Variants in GEMIN4 observed in about 807,000 individuals in gnomAD.
GEMIN4 encodes gem nuclear organelle associated protein 4.
Under a neutral mutation model 76.8 loss-of-function variants are expected in GEMIN4, and 59 were observed. That is an observed-to-expected ratio of 0.77 (90% CI 0.62 to 0.95). The LOEUF is 0.95. GEMIN4 is among the 40% of genes least tolerant of loss of function. GEMIN4 has a pLI of 0.00. For missense variants in GEMIN4, 1,311 were observed against 1,318.9 expected (o/e 0.99, Z 0.09); for synonymous variants, 562 against 559.7 (o/e 1.00, Z -0.06).
At position 744,980 on chromosome 17, in the gene GEMIN4, A is replaced by C. The variant is rs1411095076; in HGVS notation, c.3063T>G (p.Ser1021=). ...GTGCCCTCTGGAGCAAGGAGCTGAC[A>C]GAAGGGTTGGTCTTGCTCAAAGTCT... The part of the protein sequence containing the change: ...CYETLSKTNP[S]VSSLLQRAHE... The change falls in exon 2 of 2, where the codon TCT becomes TCG. Residue 1021 remains serine (S), a synonymous_variant. Coordinates refer to ENST00000319004, the MANE Select transcript of GEMIN4 (RefSeq NM_015721.3). The C allele has an allele frequency of 6.2e-7, 1 of 1,613,942 alleles. No homozygotes were observed. Among genetic ancestry groups the C allele is most frequent in the Non-Finnish European group, 8.5e-7 (1 of 1,179,878 alleles).
chr17:750,772 C>T (rs902410693), intron 1 of GEMIN4, among the ~76,000 whole-genome samples: 2 of 152,144 alleles, frequency 1.3e-5, no homozygotes, highest in African/African-American at 4.8e-5. Flanking sequence ...TTTATGGGAG[C>T]GGCAGCAGGC....
Position 745,813 on chromosome 17 carries a change from C to T in GEMIN4, c.2230G>A (p.Ala744Thr). The part of the protein sequence containing the change: ...ELLCEIVSAN[A>T]ETFSPDVWIK... ...CAGACATCCGGGGAGAAGGTCTCAG[C>T]ATTGGCTGATACAATCTCACACAGG... The change falls in exon 2 of 2, where the codon GCT (alanine) becomes ACT (threonine). Residue 744 changes from alanine to threonine, a missense_variant. This residue lies in a region of GEMIN4 where 1,208 missense variants were observed against 1,166.9 expected (regional missense o/e 1.04). Transcript: ENST00000319004. The surrounding 1 kb of genome is among the most constrained non-coding windows in gnomAD (Gnocchi z 4.6). 1 of 1,613,064 alleles carries T rather than the reference C, an allele frequency of 6.2e-7. No homozygotes were observed. The highest frequency in any genetic ancestry group is 8.5e-7 in the Non-Finnish European group (1 of 1,179,734).
Position 746,365 on chromosome 17 carries a change from T to C in GEMIN4, c.1678A>G (p.Thr560Ala). 1 of 1,613,824 alleles carries C rather than the reference T, an allele frequency of 6.2e-7. No individual in the cohort carries two copies. The highest frequency in any genetic ancestry group is 8.5e-7 in the Non-Finnish European group (1 of 1,179,884). Residue 560 changes from threonine to alanine, a missense_variant, in exon 2 of 2, where the codon ACG becomes GCG. Transcript: ENST00000319004. The surrounding 1 kb of genome is among the most constrained non-coding windows in gnomAD (Gnocchi z 4.3). ...GCCAGGCTGCACATTTTCTTCACCG[T>C]GACTTCCGGGTGCACTATGACCAGG... ...ARLVIVHPEV[T>A]VKKMCSLAVV...
At position 745,344 on chromosome 17, in the gene GEMIN4, A is replaced by C. The variant is rs1974352455; in HGVS notation, c.2699T>G (p.Leu900Arg). Residue 900 changes from leucine to arginine, a missense_variant, in exon 2 of 2, where the codon CTC becomes CGC. Transcript: ENST00000319004. This position sits in a 1 kb window ranked among gnomAD's most constrained non-coding sequence, Gnocchi z 4.6. ...SLEYIQFVPL[L>R]NLKPFAQELQ... ...CTCCTGGGCAAAGGGCTTCAGGTTG[A>C]GCAGGGGAACAAACTGAATATATTC... The C allele has an allele frequency of 6.2e-7, 1 of 1,612,870 alleles. No individual in the cohort carries two copies. Among genetic ancestry groups the C allele is most frequent in the Admixed American group, 1.7e-5 (1 of 60,004 alleles).
rs376921703 is a variant in GEMIN4 at position 745,260 on chromosome 17, C to T, written c.2783G>A (p.Arg928His). Residue 928 changes from arginine to histidine, a missense_variant, in exon 2 of 2, where the codon CGT (arginine) becomes CAT (histidine). Coordinates refer to ENST00000319004, the MANE Select transcript of GEMIN4 (RefSeq NM_015721.3). This position sits in a 1 kb window ranked among gnomAD's most constrained non-coding sequence, Gnocchi z 4.6. ...TFQFLCSHSC[R>H]DWLPLEGWNH... ...CCAGCCTTCCAGAGGAAGCCAATCA[C>T]GACAGCTATGGCTGCAGAGAAACTG... The T allele has an allele frequency of 2.6e-5, 42 of 1,610,958 alleles. No homozygotes were observed. Among genetic ancestry groups the T allele is most frequent in the Middle Eastern group, 1.6e-4 (1 of 6,062 alleles).
upstream of GEMIN4, chr17:752,315 C>T: frequency 8.2e-7 from 1 of 1,222,178 alleles, no homozygotes; most frequent in Non-Finnish European, 1.0e-6. Flanking sequence ...ACGCGCAGTC[C>T]TCACGAACGA....
chr17:745,884 C>T lies in GEMIN4; in HGVS notation c.2159G>A (p.Cys720Tyr). ...KYWQLPKEKRCLSLDRKDLAI... is the reference protein window; with the variant it reads ...KYWQLPKEKRYLSLDRKDLAI... Reference sequence around the variant, plus strand: ...TAGATCCTTCCTATCCAAAGAGAGGCACCGCTTCTCCTTGGGAAGCTGCCA... The same window carrying T: ...TAGATCCTTCCTATCCAAAGAGAGGTACCGCTTCTCCTTGGGAAGCTGCCA... The change falls in exon 2 of 2, where the codon TGC (cysteine) becomes TAC (tyrosine). Residue 720 changes from cysteine (C) to tyrosine (Y), a missense_variant. Cys to Tyr is a radical substitution (Grantham distance 194). Coordinates refer to ENST00000319004, the MANE Select transcript of GEMIN4 (RefSeq NM_015721.3). The surrounding 1 kb of genome is among the most constrained non-coding windows in gnomAD (Gnocchi z 4.6). 6.2e-7 allele frequency: 1 copy of T among 1,612,908 alleles called. No homozygotes were observed. Among genetic ancestry groups the T allele is most frequent in the Non-Finnish European group, 8.5e-7 (1 of 1,179,840 alleles).
rs777614804 is a variant in GEMIN4, at chr17:747,714, G to GT, written c.328dup (p.Thr110AsnfsTer42). The GT allele has an allele frequency of 1.9e-6, 3 of 1,613,842 alleles. No homozygotes were observed. In the East Asian group the frequency reaches 6.7e-5, roughly 36 times the overall value. ...GGATTTGAGCAGCTCGAAGAGGATG[G>GT]TGTGGTTGATGGTGGGGATCATGTT... On this transcript the variant is annotated frameshift_variant, in exon 2 of 2. Transcript: ENST00000319004. LOFTEE classifies it high-confidence loss of function.
upstream of GEMIN4, chr17:752,550 G>T: frequency 1.8e-6 from 1 of 563,346 alleles, no homozygotes; most frequent in Admixed American, 5.6e-5. Context: ...CCCCCGGGAC[G>T]CCCACCACCC....
Position 747,487 on chromosome 17 carries a change from C to T in GEMIN4, c.556G>A (p.Ala186Thr). The T allele has an allele frequency of 1.9e-6, 3 of 1,613,838 alleles. No individual in the cohort carries two copies. The highest frequency in any genetic ancestry group is 2.5e-6 in the Non-Finnish European group (3 of 1,179,826). ...DPLLSQFSAM[A>T]HKYLPALDEF... ...TCTAAGGCAGGCAGGTACTTATGGG[C>T]CATTGCACTAAACTGGGAGAGCAGG... Residue 186 changes from alanine to threonine, a missense_variant, in exon 2 of 2, where the codon GCC (alanine) becomes ACC (threonine). Around this residue, in one of 2 missense-constraint regions of GEMIN4, gnomAD observed 1,208 missense variants for 1,166.9 expected, o/e 1.04. Transcript: ENST00000319004.
chr17:752,334 A>G, upstream of GEMIN4: 3 of 1,201,698 alleles, frequency 2.5e-6, no homozygotes, highest in Non-Finnish European at 3.1e-6. Context: ...GAGCGCGCCA[A>G]GCGCACAGCG....
chr17:748,400 G>C (rs541023319), intron 1 of GEMIN4: 48 of 223,512 alleles, frequency 2.1e-4, no homozygotes, highest in African/African-American at 1.0e-3. Context: ...GCTGGGAAAT[G>C]TGATTCTGAG....
Position 746,707 on chromosome 17 carries a change from C to T in GEMIN4, c.1336G>A (p.Ala446Thr), listed in dbSNP as rs143168627. ...ACCAAGTCTGGCTGTCGGAAGAGGG[C>T]CCTGTTACTCCCCAGGCAGGCTACC... Reference protein sequence around the residue: ...EWVACLGSNRALFRQPDLVLR... With the variant: ...EWVACLGSNRTLFRQPDLVLR... The change falls in exon 2 of 2, where the codon GCC (alanine) becomes ACC (threonine). Residue 446 changes from alanine to threonine, a missense_variant. Physicochemically the swap from Ala to Thr is moderately conservative, Grantham distance 58. Around this residue, in one of 2 missense-constraint regions of GEMIN4, gnomAD observed 1,208 missense variants for 1,166.9 expected, o/e 1.04. Transcript: ENST00000319004. The surrounding 1 kb of genome is among the most constrained non-coding windows in gnomAD (Gnocchi z 4.3). The T allele has an allele frequency of 1.7e-3, 2,742 of 1,613,598 alleles. 4 individuals carry two copies. The highest frequency in any genetic ancestry group is 2.1e-3 in the Non-Finnish European group (2,512 of 1,179,878).
In GEMIN4 at chr17:745,583, C is replaced by T; in HGVS notation, c.2460G>A (p.Glu820=). ...AGATGCCGCTGGAGACGCAGCAGCA[C>T]TCCATCCAGGCCAGGAGCCCCGTGC... ...GAGTGLLAWM[E]CCCVSSGISE... is the part of the protein sequence containing the mutation. The change falls in exon 2 of 2, where the codon GAG becomes GAA. Residue 820 remains glutamate, a synonymous_variant. Transcript: ENST00000319004. The surrounding 1 kb of genome is among the most constrained non-coding windows in gnomAD (Gnocchi z 4.6). 6.2e-7 allele frequency: 1 copy of T among 1,611,848 alleles called. No homozygotes were observed. Among genetic ancestry groups the T allele is most frequent in the Non-Finnish European group, 8.5e-7 (1 of 1,179,426 alleles).
rs1904757975 is a variant in GEMIN4 at position 752,162 on chromosome 17, G to A, written c.-20C>T. On this transcript the variant is annotated 5_prime_UTR_variant, in exon 1 of 2. Transcript: ENST00000319004. ...GTCCATGGCGGCGACGCCGGCGGCT[G>A]CGCGGGGCTAACGCCCCCTCCCCTC... is the stretch of plus-strand genomic sequence containing the variant. 2.4e-6 allele frequency: 3 copies of A among 1,234,850 alleles called. No homozygotes were observed. The highest frequency in any genetic ancestry group is 3.0e-6 in the Non-Finnish European group (3 of 988,964). The allele number at this position is 1,234,850 out of a possible 1,614,324, so 76.5% of individuals were successfully genotyped here.
chr17:747,501 T>G lies in GEMIN4; in HGVS notation c.542A>C (p.Gln181Pro). Residue 181 changes from glutamine to proline, a missense_variant, in exon 2 of 2, where the codon CAG becomes CCG. Gln to Pro is a moderately conservative substitution (Grantham distance 76, BLOSUM62 -1). Coordinates refer to ENST00000319004, the MANE Select transcript of GEMIN4 (RefSeq NM_015721.3). ...KGHPQDPLLS[Q>P]FSAMAHKYLP... ...GTACTTATGGGCCATTGCACTAAAC[T>G]GGGAGAGCAGGGGGTCCTGCGGGTG... 6.2e-7 allele frequency: 1 copy of G among 1,613,732 alleles called. No individual in the cohort carries two copies. The highest frequency in any genetic ancestry group is 8.5e-7 in the Non-Finnish European group (1 of 1,179,820).
chr17:746,510 GA>G lies in GEMIN4; in HGVS notation c.1532del (p.Leu511ProfsTer44), dbSNP rs1305390671. ...CCACATAAGCCAGCAACTTTTCAGAGAGGCCCTTTCGCCCCCAGGAACGCAG... is the reference window on the plus strand; with the variant it reads ...CCACATAAGCCAGCAACTTTTCAGAGGGCCCTTTCGCCCCCAGGAACGCAG... ...GILRSWGRKG[L>X]SEKLLAYVEG... On this transcript the variant is annotated frameshift_variant, in exon 2 of 2. Transcript: ENST00000319004. LOFTEE classifies it high-confidence loss of function. This position sits in a 1 kb window ranked among gnomAD's most constrained non-coding sequence, Gnocchi z 4.3. 1 of 1,613,998 alleles carries G rather than the reference GA, an allele frequency of 6.2e-7. No homozygotes were observed. The highest frequency in any genetic ancestry group is 8.5e-7 in the Non-Finnish European group (1 of 1,179,904).
rs377184751 is a variant in GEMIN4, at chr17:747,785, G to C, written c.258C>G (p.Ser86=). The change falls in exon 2 of 2, where the codon TCC becomes TCG. Residue 86 remains serine (S), a synonymous_variant. Coordinates refer to ENST00000319004, the MANE Select transcript of GEMIN4 (RefSeq NM_015721.3). ...CTTCCTGCCACCGTGTCTCTGTGTCGGACGGGGTCACGGGGTGCGGCTGCA... is the reference window on the plus strand; with the variant it reads ...CTTCCTGCCACCGTGTCTCTGTGTCCGACGGGGTCACGGGGTGCGGCTGCA... The part of the protein sequence containing the change: ...KVLQPHPVTP[S]DTETRWQEDL... 1 of 1,613,010 alleles carries C rather than the reference G, an allele frequency of 6.2e-7. No individual in the cohort carries two copies. Among genetic ancestry groups the C allele is most frequent in the Non-Finnish European group, 8.5e-7 (1 of 1,179,746 alleles).
chr17:746,584 A>G lies in GEMIN4; in HGVS notation c.1459T>C (p.Tyr487His). The change falls in exon 2 of 2, where the codon TAC (tyrosine) becomes CAC (histidine). Residue 487 changes from tyrosine (Y) to histidine (H), a missense_variant. Transcript: ENST00000319004. The surrounding 1 kb of genome is among the most constrained non-coding windows in gnomAD (Gnocchi z 4.3). ...TTACCTGGCAGGGAGAGGTCTGCGT[A>G]ACATTCCAGGATCAGGTGGATCACC... ...RQVIHLILEC[Y>H]ADLSLPGKNK... The G allele has an allele frequency of 6.2e-7, 1 of 1,613,678 alleles. No homozygotes were observed. Among genetic ancestry groups the G allele is most frequent in the Admixed American group, 1.7e-5 (1 of 60,024 alleles).
Sources: gnomAD v4.1 joint callset for allele counts (sites outside exome capture counted in the v4.1 genomes callset) on GRCh38, gnomAD v4.1.1 for gene constraint, gnomAD v4.1.1 regional missense constraint, Gnocchi (gnomAD v3.1) non-coding constraint, MANE v1.5 for transcripts, NCBI Gene and HGNC (gene_info 2026-07-23, HGNC 2026-07-21) for gene names.